Variants in ZNF343 observed in about 807,000 individuals in gnomAD.
ZNF343 encodes zinc finger protein 343.
Under a neutral mutation model 13.8 loss-of-function variants are expected in ZNF343, and 11 were observed. The ratio of observed to expected loss-of-function variants is 0.80; its 90% confidence interval spans 0.50 to 1.32. ZNF343 has a LOEUF of 1.32. Among genes scored for constraint, ZNF343 ranks in the 40% most tolerant of loss-of-function variants. The pLI is 0.00. For synonymous variants in ZNF343, 248 were observed against 260.0 expected (o/e 0.95, Z 0.44); for missense variants, 658 against 714.2 (o/e 0.92, Z 0.90).
In ZNF343 at chr20:2,483,975, T is replaced by C; in HGVS notation, c.986A>G (p.Glu329Gly). ...CTTACTTCTAAAGCTTTGCCCACAC[T>C]CCCTGCACAAATAAGGCTTCTCTTC... Reference protein sequence around the residue: ...HSEEKPYLCRECGQSFRSKSI... With the variant: ...HSEEKPYLCRGCGQSFRSKSI... The change falls in exon 6 of 6, where the codon GAG becomes GGG. Residue 329 changes from glutamate to glycine, a missense_variant. Glu to Gly is a moderately conservative substitution (Grantham distance 98). Transcript: ENST00000278772. The C allele has an allele frequency of 1.2e-6, 2 of 1,614,186 alleles. No homozygotes were observed. Among genetic ancestry groups the C allele is most frequent in the Non-Finnish European group, 1.7e-6 (2 of 1,180,018 alleles).
At chr20:2,499,456 C>T in intron 2 of ZNF343, among the ~76,000 whole-genome samples, 1 of 71,246 alleles carries the variant, frequency 1.4e-5, no homozygotes. Flanking sequence ...CAGAGCGAGA[C>T]TCCGTCTCAA....
In ZNF343 at chr20:2,483,164, G is replaced by GT; in HGVS notation, c.1796dup (p.His599GlnfsTer41). ...CTGCATACACAGGTTTCTCCCGTCA[G>GT]TGTGTCCTCTGGTGTCTGATGAGAT... On this transcript the variant is annotated frameshift_variant, in exon 6 of 6. Coordinates refer to ENST00000278772, the MANE Select transcript of ZNF343 (RefSeq NM_024325.6). LOFTEE classifies it high-confidence loss of function. 4 of 1,604,232 alleles carry GT rather than the reference G, an allele frequency of 2.5e-6. No homozygotes were observed. The highest frequency in any genetic ancestry group is 3.4e-6 in the Non-Finnish European group (4 of 1,174,654).
chr20:2,507,969 A>T (rs2085692111), intron 1 of ZNF343, among the ~76,000 whole-genome samples: 1 of 152,056 alleles, frequency 6.6e-6, no homozygotes, highest in Non-Finnish European at 1.5e-5. Context: ...TGGCCCTAAC[A>T]TGTGAGGGAA....
In ZNF343 at chr20:2,493,882, T is replaced by A. The variant is rs1263616385; in HGVS notation, c.14A>T (p.Tyr5Phe). 1 of 1,612,750 alleles carries A rather than the reference T, an allele frequency of 6.2e-7. No homozygotes were observed. The highest frequency in any genetic ancestry group is 1.3e-5 in the African/African-American group (1 of 75,006). MMLPYPSALGDQYWE... is the reference protein window; with the variant it reads MMLPFPSALGDQYWE... ...GTATTGATCTCCCAGTGCTGAAGGA[T>A]AAGGCAACATCATGGCGCCAGAGTC... The change falls in exon 3 of 6, where the codon TAT becomes TTT. Residue 5 changes from tyrosine to phenylalanine, a missense_variant. Coordinates refer to ENST00000278772, the MANE Select transcript of ZNF343 (RefSeq NM_024325.6).
intron 1 of ZNF343, among the ~76,000 whole-genome samples, chr20:2,515,771 C>T (rs189750447): frequency 6.6e-6 from 1 of 152,276 alleles, no homozygotes; most frequent in East Asian, 1.9e-4. Flanking sequence ...TGACTTTGAT[C>T]TTGGGCATGA....
rs367599171 is a variant in ZNF343 at position 2,483,148 on chromosome 20, C to A, written c.*13G>T. Reference sequence around the variant, plus strand: ...GTCTTGTTCATGACCCCTGCATACACAGGTTTCTCCCGTCAGTGTGTCCTC... The same window carrying A: ...GTCTTGTTCATGACCCCTGCATACAAAGGTTTCTCCCGTCAGTGTGTCCTC... On this transcript the variant is annotated 3_prime_UTR_variant, in exon 6 of 6. Coordinates refer to ENST00000278772, the MANE Select transcript of ZNF343 (RefSeq NM_024325.6). The A allele has an allele frequency of 9.4e-6, 15 of 1,590,958 alleles. No individual in the cohort carries two copies. The African/African-American group carries it at 1.9e-4, about 20-fold the overall frequency.
At position 2,492,594 on chromosome 20, in the gene ZNF343, T is replaced by C. The variant is rs959544275; in HGVS notation, c.304+105A>G. ...ATGGAGGCAGGGATTACGATTTTGTTTACTAATGTGTTGTAAGTATCTAGA... is the reference window on the plus strand; with the variant it reads ...ATGGAGGCAGGGATTACGATTTTGTCTACTAATGTGTTGTAAGTATCTAGA... On this transcript the variant is annotated intron_variant, in intron 5 of 5. Transcript: ENST00000278772. 29 of 1,396,440 alleles carry C rather than the reference T, an allele frequency of 2.1e-5. No individual in the cohort carries two copies. In the Admixed American group the frequency reaches 6.8e-4, roughly 33 times the overall value. The allele number at this position is 1,396,440 out of a possible 1,614,324, so 86.5% of individuals were successfully genotyped here. A position where few individuals can be genotyped will look rare whatever the true frequency, so the allele number is the denominator to read the frequency against.
chr20:2,489,594 C>T (rs1017500886), intron 5 of ZNF343, among the ~76,000 whole-genome samples: 1 of 152,210 alleles, frequency 6.6e-6, no homozygotes, highest in Non-Finnish European at 1.5e-5. Flanking sequence ...ATGATCCAGA[C>T]AGAAACTGCT....
intron 5 of ZNF343, among the ~76,000 whole-genome samples, chr20:2,491,542 T>C (rs1023188277): frequency 4.6e-5 from 7 of 152,172 alleles, no homozygotes; most frequent in African/African-American, 1.7e-4. Context: ...ACCTACAAGC[T>C]AAGAATGGTT....
At chr20:2,504,388 C>T (rs1405991443) in intron 1 of ZNF343, among the ~76,000 whole-genome samples, 1 of 152,146 alleles carries the variant, frequency 6.6e-6, no homozygotes, top group African/African-American at 2.4e-5. Context: ...GGAGCTGGTA[C>T]CATTCCTTCT....
In ZNF343 at chr20:2,492,802, C is replaced by G; in HGVS notation, c.201G>C (p.Val67=). 1 of 1,613,626 alleles carries G rather than the reference C, an allele frequency of 6.2e-7. No individual in the cohort carries two copies. Among genetic ancestry groups the G allele is most frequent in the Non-Finnish European group, 8.5e-7 (1 of 1,179,982 alleles). Residue 67 remains valine, a synonymous_variant, in exon 5 of 6, where the codon GTG becomes GTC. Coordinates refer to ENST00000278772, the MANE Select transcript of ZNF343 (RefSeq NM_024325.6). ...QIVVPVTFRD[V]TVIFTEAEWK... ...ATTCTGCTTCTGTGAAGATCACAGT[C>G]ACATCCCTGAATGTAACTGGTACCT... is the stretch of plus-strand genomic sequence containing the variant.
upstream of ZNF343, among the ~76,000 whole-genome samples, chr20:2,512,422 C>G (rs769716140): frequency 1.4e-4 from 22 of 152,246 alleles, no homozygotes; most frequent in Non-Finnish European, 2.5e-4. Context: ...AAACTTAATA[C>G]AAAGCTTCAG....
Position 2,493,939 on chromosome 20 carries a change from G to T in ZNF343, c.-44C>A. 2 of 1,291,520 alleles carry T rather than the reference G, an allele frequency of 1.5e-6. No individual in the cohort carries two copies. Among genetic ancestry groups the T allele is most frequent in the East Asian group, 2.3e-5 (1 of 43,384 alleles). The allele number at this position is 1,291,520 out of a possible 1,614,324, so 80.0% of individuals were successfully genotyped here. On this transcript the variant is annotated 5_prime_UTR_variant, in exon 3 of 6. Coordinates refer to ENST00000278772, the MANE Select transcript of ZNF343 (RefSeq NM_024325.6). ...GTGTGTGCCTTGAAATTCTGCCAGA[G>T]GTCCAGGTAGATGTTATTTCATCTC...
At chr20:2,519,710 A>T (rs1295677977) in intron 1 of ZNF343, among the ~76,000 whole-genome samples, 1 of 152,174 alleles carries the variant, frequency 6.6e-6, no homozygotes, top group East Asian at 1.9e-4. Context: ...GCTTGGTTTC[A>T]TCTAAATATG....
chr20:2,495,458 G>C lies in ZNF343; in HGVS notation c.-149-1414C>G, dbSNP rs561350639. 16 of 152,328 alleles carry C rather than the reference G, an allele frequency of 1.1e-4. 1 individual carries two copies. The highest frequency in any genetic ancestry group is 9.1e-4 in the Admixed American group (14 of 15,302). 9.4% of individuals were successfully genotyped at this position (152,328 alleles called of 1,614,324 possible). ...GTGAAAGCGACGATGCCATTTCTAA[G>C]CATTGCATAATTCCACCATTTCTTT... is the stretch of plus-strand genomic sequence containing the variant. On this transcript the variant is annotated intron_variant, in intron 2 of 5. Coordinates refer to ENST00000278772, the MANE Select transcript of ZNF343 (RefSeq NM_024325.6).
At chr20:2,505,593 GAT>G (rs1281886335) in intron 1 of ZNF343, among the ~76,000 whole-genome samples, 4 of 152,120 alleles carry the variant, frequency 2.6e-5, no homozygotes, top group Non-Finnish European at 5.9e-5. Context: ...CCAAAACAGA[GAT>G]ATAGATCAAT....
intron 1 of ZNF343, among the ~76,000 whole-genome samples, chr20:2,504,922 A>G (rs1028393272): frequency 1.3e-5 from 2 of 152,216 alleles, no homozygotes; most frequent in African/African-American, 4.8e-5. Context: ...CACCACTCCT[A>G]TTCAACATAA....
Position 2,493,818 on chromosome 20 carries a change from T to C in ZNF343, c.78A>G (p.Val26=). Residue 26 remains valine, a synonymous_variant, in exon 3 of 6, where the codon GTA becomes GTG. Transcript: ENST00000278772. ...TTTGGGTCAATTTCTTCATAGTCTC[T>C]ACATTTTCCCCATTCTTTGGAAGCA... The part of the protein sequence containing the change: ...EILLPKNGEN[V]ETMKKLTQNH... The C allele has an allele frequency of 1.2e-6, 2 of 1,613,930 alleles. No individual in the cohort carries two copies. Among genetic ancestry groups the C allele is most frequent in the Non-Finnish European group, 1.7e-6 (2 of 1,179,832 alleles).
intron 1 of ZNF343, among the ~76,000 whole-genome samples, chr20:2,523,205 A>T (rs183793043): frequency 1.3e-5 from 2 of 152,334 alleles, no homozygotes; most frequent in East Asian, 3.9e-4. Flanking sequence ...TGCCATGGCA[A>T]TGTCAGGAAG....
Sources: allele counts gnomAD v4.1 joint callset (sites outside exome capture counted in the v4.1 genomes callset), GRCh38; gene constraint gnomAD v4.1.1; transcripts MANE v1.5; gene names NCBI Gene and HGNC (gene_info 2026-07-23, HGNC 2026-07-21).